The following REEP1 variants were observed in gnomAD, a reference collection of about 807,000 sequenced individuals.
The protein encoded by REEP1 is receptor accessory protein 1.
REEP1 carries 22 observed loss-of-function variants against 40.3 expected under a neutral mutation model. The observed-to-expected ratio is 0.55, with a 90% confidence interval of 0.39 to 0.78. REEP1 has a LOEUF of 0.78. Among genes scored for constraint, REEP1 ranks in the 30% least tolerant of loss-of-function variants. The pLI is 0.00. For missense variants in REEP1, 280 were observed against 361.1 expected (o/e 0.78, Z 1.82); for synonymous variants, 116 against 139.2 (o/e 0.83, Z 1.17).
intron 1 of REEP1, among the ~76,000 whole-genome samples, chr2:86,300,364 G>A (rs1437993885): frequency 6.6e-6 from 1 of 152,062 alleles, no homozygotes; most frequent in Non-Finnish European, 1.5e-5. Flanking sequence ...ACCACACAAC[G>A]CTTCCAGGCC....
intron 3 of REEP1, among the ~76,000 whole-genome samples, chr2:86,256,627 C>G (rs1010718199): frequency 6.7e-4 from 102 of 152,292 alleles, no homozygotes; most frequent in African/African-American, 2.3e-3. Context: ...AGGCCCTCAC[C>G]CCAGTTTCTC....
chr2:86,295,237 CAACCT>C (rs1678921505), intron 1 of REEP1, among the ~76,000 whole-genome samples: 1 of 152,110 alleles, frequency 6.6e-6, no homozygotes, highest in Non-Finnish European at 1.5e-5. Context: ...CCGAGTTGGC[CAACCT>C]GGGGAAGAAG....
chr2:86,257,667 C>T (rs1403418083), intron 3 of REEP1, among the ~76,000 whole-genome samples: 2 of 146,120 alleles, frequency 1.4e-5, no homozygotes, highest in African/African-American at 5.1e-5. Flanking sequence ...GACAGAGTTT[C>T]ACTCTGCTGC....
At chr2:86,266,362 G>A (rs933565106) in intron 2 of REEP1, among the ~76,000 whole-genome samples, 1 of 152,238 alleles carries the variant, frequency 6.6e-6, no homozygotes, top group African/African-American at 2.4e-5. Flanking sequence ...GCTCACGCCT[G>A]TAATCCCAGC....
intron 2 of REEP1, among the ~76,000 whole-genome samples, chr2:86,267,792 A>G (rs1367329970): frequency 1.3e-5 from 2 of 152,166 alleles, no homozygotes. Context: ...AAATATTTGC[A>G]CATCATTCAT....
At chr2:86,228,694 G>A (rs561911554) in intron 6 of REEP1, among the ~76,000 whole-genome samples, 114 of 152,210 alleles carry the variant, frequency 7.5e-4, no homozygotes, top group Non-Finnish European at 1.4e-3. Flanking sequence ...TCTACCTCAG[G>A]TGATCCACCC....
chr2:86,264,310 A>G (rs1481205365), intron 2 of REEP1, among the ~76,000 whole-genome samples: 1 of 152,126 alleles, frequency 6.6e-6, no homozygotes, highest in Non-Finnish European at 1.5e-5. Context: ...ACCAAGAGTG[A>G]CCCAGGATTC....
chr2:86,313,733 G>A (rs1679867988), intron 1 of REEP1, among the ~76,000 whole-genome samples: 1 of 152,198 alleles, frequency 6.6e-6, no homozygotes, highest in South Asian at 2.1e-4. Context: ...AAGACCAGGT[G>A]TGAGATGAGA....
intron 5 of REEP1, among the ~76,000 whole-genome samples, chr2:86,236,950 G>A (rs924700433): frequency 1.3e-5 from 2 of 152,210 alleles, no homozygotes; most frequent in East Asian, 1.9e-4. Flanking sequence ...TAGCCAGGAT[G>A]GTCTCGATCT....
chr2:86,259,439 G>A (rs1574046616), intron 3 of REEP1, among the ~76,000 whole-genome samples: 1 of 151,390 alleles, frequency 6.6e-6, no homozygotes, highest in East Asian at 1.9e-4. Context: ...AGGCTGGAGT[G>A]CAGTGGTGCG....
chr2:86,279,568 C>T (rs957838607), intron 2 of REEP1, among the ~76,000 whole-genome samples: 1 of 152,166 alleles, frequency 6.6e-6, no homozygotes, highest in Non-Finnish European at 1.5e-5. Flanking sequence ...TAAGGACCTT[C>T]AGATGGGAAG....
chr2:86,289,432 G>A (rs1384051503), intron 1 of REEP1, among the ~76,000 whole-genome samples: 3 of 152,164 alleles, frequency 2.0e-5, no homozygotes, highest in East Asian at 1.9e-4. Context: ...TAACAACCAT[G>A]ACTTTATAAT....
At chr2:86,237,080 T>G (rs1169829797) in intron 5 of REEP1, among the ~76,000 whole-genome samples, 1 of 152,198 alleles carries the variant, frequency 6.6e-6, no homozygotes, top group Non-Finnish European at 1.5e-5. Flanking sequence ...GAAATTGGGG[T>G]GGGTCTTACA....
rs1387623988 is a variant in REEP1 at position 86,216,117 on chromosome 2, C to T, written c.*922G>A. ...GTCAGGAAATCGGCAGCACTGGTCA[C>T]GATAAAGGAGAAATCGTCCTTTGTC... is the stretch of plus-strand genomic sequence containing the variant. On this transcript the variant is annotated 3_prime_UTR_variant, in exon 9 of 9. Transcript: ENST00000538924. The T allele has an allele frequency of 6.6e-6, 1 of 152,172 alleles. No individual in the cohort carries two copies. The highest frequency in any genetic ancestry group is 6.5e-5 in the Admixed American group (1 of 15,278). The allele number at this position is 152,172 out of a possible 1,614,324, so 9.4% of individuals were successfully genotyped here. A position where few individuals can be genotyped will look rare whatever the true frequency, so the allele number is the denominator to read the frequency against.
intron 1 of REEP1, among the ~76,000 whole-genome samples, chr2:86,317,137 A>G (rs1351586932): frequency 6.6e-6 from 1 of 152,168 alleles, no homozygotes; most frequent in Non-Finnish European, 1.5e-5. Flanking sequence ...AGTCCGACAC[A>G]TGCAGAACAC....
intron 1 of REEP1, chr2:86,336,759 G>T (rs1255274633): frequency 1.3e-5 from 2 of 152,414 alleles, no homozygotes; most frequent in African/African-American, 4.8e-5. Flanking sequence ...GGCCTGGGAG[G>T]TGTCATCGCC....
intron 1 of REEP1, among the ~76,000 whole-genome samples, chr2:86,286,309 G>A (rs1678396103): frequency 6.6e-6 from 1 of 152,212 alleles, no homozygotes. Context: ...AGACACTCTG[G>A]TTGTCTGAGA....
At chr2:86,269,104 T>C (rs1166607756) in intron 2 of REEP1, among the ~76,000 whole-genome samples, 1 of 152,282 alleles carries the variant, frequency 6.6e-6, no homozygotes, top group East Asian at 1.9e-4. Flanking sequence ...ACAACATCAA[T>C]GGTATGATCT....
chr2:86,238,195 A>G (rs1339279891), intron 5 of REEP1, among the ~76,000 whole-genome samples: 1 of 152,230 alleles, frequency 6.6e-6, no homozygotes, highest in Non-Finnish European at 1.5e-5. Flanking sequence ...AATAGTAATA[A>G]TAAATAAATA....
Sources: gnomAD v4.1 joint callset for allele counts (sites outside exome capture counted in the v4.1 genomes callset) on GRCh38, gnomAD v4.1.1 for gene constraint, MANE v1.5 for transcripts, NCBI Gene and HGNC (gene_info 2026-07-23, HGNC 2026-07-21) for gene names.